Variants in UGT2A1 observed in about 807,000 individuals in gnomAD.
UGT2A1 encodes UDP glucuronosyltransferase family 2 member A1 complex locus, also known as UDP-glucuronosyltransferase 2A1.
Under a neutral mutation model 45.4 loss-of-function variants are expected in UGT2A1, and 61 were observed. That is an observed-to-expected ratio of 1.34 (90% CI 1.09 to 1.66). The LOEUF is 1.66. UGT2A1 is among the 40% of genes most tolerant of loss of function. The probability of loss-of-function intolerance (pLI) is 0.00; values close to 1 mark genes in which losing one functional copy is unlikely to be tolerated. For synonymous variants in UGT2A1, 229 were observed against 196.2 expected, an observed-to-expected ratio of 1.17 and a Z score of -1.40; for missense variants, 649 against 574.3, an observed-to-expected ratio of 1.13 and a Z score of -1.33.
At chr4:69,620,959 C>A (rs1480137161) in intron 3 of UGT2A1, among the ~76,000 whole-genome samples, 1 of 151,940 alleles carries the variant, frequency 6.6e-6, no homozygotes, top group African/African-American at 2.4e-5. Flanking sequence ...ATACAGAATA[C>A]CAAAACTGGA....
intron 3 of UGT2A1, among the ~76,000 whole-genome samples, chr4:69,630,460 C>G (rs1191878278): frequency 6.6e-6 from 1 of 152,120 alleles, no homozygotes; most frequent in East Asian, 1.9e-4. Context: ...TCAACCATCA[C>G]TATTCCCTCT....
chr4:69,640,173 C>T (rs1387014187), intron 2 of UGT2A1, among the ~76,000 whole-genome samples: 1 of 151,842 alleles, frequency 6.6e-6, no homozygotes, highest in African/African-American at 2.4e-5. Flanking sequence ...CTTTGTTATT[C>T]AGAGAAGTTA....
Position 69,647,684 on chromosome 4 carries a change from A to C in UGT2A1, c.-40T>G, listed in dbSNP as rs1722345128. 1 of 1,362,460 alleles carries C rather than the reference A, an allele frequency of 7.3e-7. No individual in the cohort carries two copies. The highest frequency in any genetic ancestry group is 9.9e-7 in the Non-Finnish European group (1 of 1,014,612). The allele number at this position is 1,362,460 out of a possible 1,614,324, so 84.4% of individuals were successfully genotyped here. On this transcript the variant is annotated 5_prime_UTR_variant, in exon 2 of 7. Coordinates refer to ENST00000286604, the MANE Select transcript of UGT2A1 (RefSeq NM_001252275.3). ...CAGAAGATTTGATGAGATGTGAAGC[A>C]AATGTTTTTCTCTGCTTTTAAAGAA...
intron 6 of UGT2A1, among the ~76,000 whole-genome samples, chr4:69,592,997 ACAGT>A (rs1212978801): frequency 6.6e-6 from 1 of 152,176 alleles, no homozygotes; most frequent in Non-Finnish European, 1.5e-5. Flanking sequence ...AAAAGATACA[ACAGT>A]CAGGCAGGAC....
intron 2 of UGT2A1, among the ~76,000 whole-genome samples, chr4:69,640,711 T>C (rs1477635739): frequency 6.6e-6 from 1 of 151,870 alleles, no homozygotes; most frequent in African/African-American, 2.4e-5. Flanking sequence ...GGCCCTTGAG[T>C]AACAAAAGAA....
chr4:69,601,019 TG>T (rs1462891419), intron 3 of UGT2A1, among the ~76,000 whole-genome samples: 2 of 152,132 alleles, frequency 1.3e-5, no homozygotes, highest in Non-Finnish European at 2.9e-5. Context: ...GCTTATGACC[TG>T]GGGCATTTTT....
Position 69,625,480 on chromosome 4 carries a change from T to C in UGT2A1, c.847+10211A>G, listed in dbSNP as rs758711707. 9.3e-4 allele frequency among the ~76,000 whole-genome samples: 141 copies of C among 151,444 alleles called. 1 individual carries two copies. The highest frequency in any genetic ancestry group is 1.7e-3 in the Non-Finnish European group (118 of 67,478). ...GATTATTTCTCTTTATTTTTCATTT[T>C]GTATAGTTTCTATTACTATATCTTT... On this transcript the variant is annotated intron_variant, in intron 3 of 6. Transcript: ENST00000286604.
intron 6 of UGT2A1, among the ~76,000 whole-genome samples, chr4:69,593,384 A>T (rs944196665): frequency 6.6e-6 from 1 of 152,042 alleles, no homozygotes; most frequent in Non-Finnish European, 1.5e-5. Context: ...TGAAATAGAG[A>T]TACATTTCAA....
intron 3 of UGT2A1, among the ~76,000 whole-genome samples, chr4:69,618,239 A>G (rs2877457): frequency 0.46 from 52,645 of 115,642 alleles, 9,554 homozygotes; most frequent in African/African-American, 0.52. Context: ...GTGTGTGTGT[A>G]TGTGTGTGTT....
intron 3 of UGT2A1, among the ~76,000 whole-genome samples, chr4:69,634,961 G>A (rs1721592612): frequency 6.6e-6 from 1 of 151,996 alleles, no homozygotes; most frequent in South Asian, 2.1e-4. Flanking sequence ...GGTAACATTA[G>A]TTCTAAGAAT....
intron 6 of UGT2A1, among the ~76,000 whole-genome samples, chr4:69,592,264 C>G (rs775808804): frequency 5.9e-5 from 9 of 152,244 alleles, no homozygotes; most frequent in African/African-American, 2.2e-4. Flanking sequence ...CAAGCTTGGA[C>G]TCTACATGAA....
rs556881156 is a variant in UGT2A1, at chr4:69,642,003, GA to G, written c.715+4926del. Among the ~76,000 whole-genome samples, 4 of 151,740 alleles carry G rather than the reference GA, an allele frequency of 2.6e-5. No homozygotes were observed. In the South Asian group the frequency reaches 6.2e-4, roughly 24 times the overall value. ...ACTGGGGAATCTAGGGTTTGGTGCAGAATTTCTCAAACACTGAGAGTCTCCC... is the reference window on the plus strand; with the variant it reads ...ACTGGGGAATCTAGGGTTTGGTGCAGATTTCTCAAACACTGAGAGTCTCCC... On this transcript the variant is annotated intron_variant, in intron 2 of 6. Transcript: ENST00000286604.
intron 3 of UGT2A1, among the ~76,000 whole-genome samples, chr4:69,616,198 T>C (rs182619253): frequency 7.1e-4 from 107 of 150,642 alleles, no homozygotes; most frequent in African/African-American, 2.5e-3. Context: ...AGAGAAGATA[T>C]AGAGTAGAGA....
In UGT2A1 at chr4:69,639,263, A is replaced by G. The variant is rs762620280; in HGVS notation, c.716-3441T>C. The stretch of plus-strand genomic sequence containing the variant: ...AGAGTTGTATGTTAATTTGAAAGAA[A>G]GTGTCTAGAAGTTTTCCTAGTTCTT... On this transcript the variant is annotated intron_variant, in intron 2 of 6. Coordinates refer to ENST00000286604, the MANE Select transcript of UGT2A1 (RefSeq NM_001252275.3). 3.7e-6 allele frequency: 6 copies of G among 1,613,714 alleles called. No individual in the cohort carries two copies. The South Asian group carries it at 5.5e-5, about 15-fold the overall frequency.
At chr4:69,641,665 A>T (rs1003418100) in intron 2 of UGT2A1, among the ~76,000 whole-genome samples, 1 of 151,988 alleles carries the variant, frequency 6.6e-6, no homozygotes, top group African/African-American at 2.4e-5. Context: ...CAGAAACAGT[A>T]TATTCTAGCA....
chr4:69,590,570 C>T (rs1577937529), intron 6 of UGT2A1, among the ~76,000 whole-genome samples: 1 of 151,820 alleles, frequency 6.6e-6, no homozygotes, highest in East Asian at 1.9e-4. Context: ...GAATGGGGAA[C>T]ATGGTCATCA....
At position 69,594,784 on chromosome 4, in the gene UGT2A1, G is replaced by A. The variant is rs530484168; in HGVS notation, c.1085-88C>T. The A allele has an allele frequency of 6.3e-5, 91 of 1,434,494 alleles. No individual in the cohort carries two copies. In the African/African-American group the frequency reaches 1.2e-3, roughly 20 times the overall value. The allele number at this position is 1,434,494 out of a possible 1,614,324, so 88.9% of individuals were successfully genotyped here. ...ACAGAAGGGGTCAAAAAGCTGTAAT[G>A]TAACTCTCTAAAGAAGGATACGTTT... On this transcript the variant is annotated intron_variant, in intron 5 of 6. Transcript: ENST00000286604.
chr4:69,645,832 C>T (rs1722232117), intron 2 of UGT2A1, among the ~76,000 whole-genome samples: 1 of 151,836 alleles, frequency 6.6e-6, no homozygotes, highest in Admixed American at 6.6e-5. Flanking sequence ...TGTCTCCCTA[C>T]CTTACACTTG....
At position 69,636,935 on chromosome 4, in the gene UGT2A1, G is replaced by A. The variant is rs188359399; in HGVS notation, c.716-1113C>T. Among the ~76,000 whole-genome samples, 486 of 152,190 alleles carry A rather than the reference G, an allele frequency of 3.2e-3. 2 individuals are homozygous for A. Among genetic ancestry groups the A allele is most frequent in the Non-Finnish European group, 4.6e-3 (314 of 68,002 alleles). On this transcript the variant is annotated intron_variant, in intron 2 of 6. Coordinates refer to ENST00000286604, the MANE Select transcript of UGT2A1 (RefSeq NM_001252275.3). ...TAGCCAGTGGAACCTGAAGCCACATGCATTTTTCAGGACCCTTCACCTTGT... is the reference window on the plus strand; with the variant it reads ...TAGCCAGTGGAACCTGAAGCCACATACATTTTTCAGGACCCTTCACCTTGT...
Sources: gnomAD v4.1 joint callset for allele counts (sites outside exome capture counted in the v4.1 genomes callset) on GRCh38, gnomAD v4.1.1 for gene constraint, MANE v1.5 for transcripts, NCBI Gene and HGNC (gene_info 2026-07-23, HGNC 2026-07-21) for gene names.